KCNMA1: variants seen among roughly 807,000 people sequenced by gnomAD.
The protein encoded by KCNMA1 is potassium calcium-activated channel subfamily M alpha 1.
KCNMA1 carries 29 observed loss-of-function variants against 140.0 expected under a neutral mutation model. The ratio of observed to expected loss-of-function variants is 0.21; its 90% CI spans 0.15 to 0.28. The LOEUF (loss-of-function observed/expected upper bound fraction) is 0.28. Among genes scored for constraint, KCNMA1 ranks in the 10% least tolerant of loss-of-function variants. The probability of loss-of-function intolerance (pLI) is 1.00; values close to 1 mark genes in which losing one functional copy is unlikely to be tolerated. For missense variants in KCNMA1, 880 were observed against 1,602.2 expected, an observed-to-expected ratio of 0.55 and a Z score of 7.70; for synonymous variants, 612 against 611.9, an observed-to-expected ratio of 1.00 and a Z score of 0.00.
chr10:76,966,667 T>C (rs1286974693), intron 20 of KCNMA1, among the ~76,000 whole-genome samples: 1 of 152,092 alleles, frequency 6.6e-6, no homozygotes, highest in Non-Finnish European at 1.5e-5. Context: ...TGCTTGGTAA[T>C]TTTAGAGGAA....
intron 2 of KCNMA1, among the ~76,000 whole-genome samples, chr10:77,365,978 A>C (rs1267733578): frequency 6.6e-6 from 1 of 152,196 alleles, no homozygotes; most frequent in Non-Finnish European, 1.5e-5. Flanking sequence ...AGACAATAAT[A>C]TATAAGGGCT....
At chr10:77,434,976 G>C (rs1232164153) in intron 1 of KCNMA1, among the ~76,000 whole-genome samples, 3 of 152,250 alleles carry the variant, frequency 2.0e-5, no homozygotes, top group Admixed American at 1.3e-4. Flanking sequence ...TTTTTGGGGA[G>C]AGAGTCTCAC....
At chr10:77,387,120 C>T (rs1372013670) in intron 2 of KCNMA1, among the ~76,000 whole-genome samples, 1 of 152,138 alleles carries the variant, frequency 6.6e-6, no homozygotes, top group East Asian at 1.9e-4. Flanking sequence ...GTGGACATAA[C>T]AAACAGGAAA....
chr10:76,871,899 G>T (rs906738468), exon 28 of KCNMA1: 4 of 152,088 alleles, frequency 2.6e-5, no homozygotes. Context: ...TCTTTCTTTA[G>T]TTGTATTATA....
chr10:76,934,594 G>A (rs766268279), intron 23 of KCNMA1, among the ~76,000 whole-genome samples: 1 of 152,158 alleles, frequency 6.6e-6, no homozygotes, highest in Non-Finnish European at 1.5e-5. Context: ...TTTGCCTGTA[G>A]ACCCCATTAC....
intron 2 of KCNMA1, among the ~76,000 whole-genome samples, chr10:77,393,706 T>G (rs2095926349): frequency 1.3e-5 from 2 of 152,216 alleles, no homozygotes; most frequent in Non-Finnish European, 1.5e-5. Context: ...GTTTTGAGGC[T>G]GCTATGGGCT....
intron 1 of KCNMA1, among the ~76,000 whole-genome samples, chr10:77,478,351 A>G (rs1354330162): frequency 6.6e-6 from 1 of 152,250 alleles, no homozygotes; most frequent in Non-Finnish European, 1.5e-5. Context: ...CGCTCTGCTC[A>G]TGACTGAGAG....
At chr10:76,974,669 A>T in intron 19 of KCNMA1, 1 of 839,028 alleles carries the variant, frequency 1.2e-6, no homozygotes, top group East Asian at 2.7e-5. Flanking sequence ...AATAGCTTTG[A>T]ATCAAACTGG....
At chr10:77,433,609 T>A (rs2097195658) in intron 1 of KCNMA1, 1 of 152,272 alleles carries the variant, frequency 6.6e-6, no homozygotes, top group Non-Finnish European at 1.5e-5. Context: ...AAATCTTTCA[T>A]AGAATCATAA....
At chr10:77,414,330 G>C (rs1351521610) in intron 1 of KCNMA1, among the ~76,000 whole-genome samples, 1 of 152,106 alleles carries the variant, frequency 6.6e-6, no homozygotes, top group South Asian at 2.1e-4. Flanking sequence ...CTCAGAGCCA[G>C]GTTCAAAGCT....
chr10:77,456,113 C>A (rs2097759020), intron 1 of KCNMA1, among the ~76,000 whole-genome samples: 1 of 152,312 alleles, frequency 6.6e-6, no homozygotes, highest in Middle Eastern at 3.4e-3. Flanking sequence ...GCCACCCATT[C>A]TCCCAGGGAA....
chr10:77,184,757 G>T lies in KCNMA1; in HGVS notation c.696+66C>A, dbSNP rs2098834469. 6.1e-6 allele frequency: 6 copies of T among 980,540 alleles called. No individual in the cohort carries two copies. The East Asian group carries it at 9.6e-5, about 16-fold the overall frequency. The allele number at this position is 980,540 out of a possible 1,614,324, so 60.7% of individuals were successfully genotyped here. ...TGACTGCGAGAGCAGAGGCTGAGGG[G>T]GATGATCCCTGGGTCCCAGACTGAA... On this transcript the variant is annotated intron_variant, in intron 4 of 27. Transcript: ENST00000286628.
chr10:77,285,118 C>T (rs569429230), intron 2 of KCNMA1, among the ~76,000 whole-genome samples: 7 of 152,198 alleles, frequency 4.6e-5, no homozygotes, highest in South Asian at 2.1e-4. Context: ...AGTAATATCC[C>T]GATGCTCTTG....
intron 2 of KCNMA1, among the ~76,000 whole-genome samples, chr10:77,278,742 C>G (rs920135944): frequency 1.3e-5 from 2 of 152,190 alleles, no homozygotes; most frequent in African/African-American, 4.8e-5. Flanking sequence ...AAGAATATAA[C>G]CTCCACCCAA....
chr10:77,123,202 A>AAAG (rs1253796820), intron 5 of KCNMA1, among the ~76,000 whole-genome samples: 25 of 130,672 alleles, frequency 1.9e-4, no homozygotes, highest in Non-Finnish European at 2.5e-4. Context: ...AAAAAAAAAA[A>AAAG]AAAAAAAAAA....
At chr10:77,367,068 T>C (rs35780) in intron 2 of KCNMA1, among the ~76,000 whole-genome samples, 29,679 of 152,146 alleles carry the variant, frequency 0.2, 3,742 homozygotes, top group Admixed American at 0.27. Flanking sequence ...CAAAATAGCA[T>C]GCATACTGCA....
chr10:76,960,304 C>T (rs1368644319), intron 20 of KCNMA1, among the ~76,000 whole-genome samples: 1 of 152,106 alleles, frequency 6.6e-6, no homozygotes, highest in East Asian at 1.9e-4. Context: ...TTTTGGAGGG[C>T]TGAGGTGGGC....
intron 24 of KCNMA1, 72 bp from the exon 25 acceptor site, chr10:76,910,168 C>T (rs1049962613): frequency 6.5e-7 from 1 of 1,549,198 alleles, no homozygotes. Context: ...GGAGACCAGG[C>T]TACTGGTTTA....
chr10:77,025,483 A>C (rs760795665), intron 16 of KCNMA1: 4 of 1,583,252 alleles, frequency 2.5e-6, no homozygotes, highest in Non-Finnish European at 3.4e-6. Context: ...AAAAGAATTT[A>C]AAATCAAACA....
Sources: allele counts gnomAD v4.1 joint callset (sites outside exome capture counted in the v4.1 genomes callset), GRCh38; gene constraint gnomAD v4.1.1; transcripts MANE v1.5; gene names NCBI Gene and HGNC (gene_info 2026-07-23, HGNC 2026-07-21).